ZNF142: variants seen among roughly 807,000 people sequenced by gnomAD.
The protein encoded by ZNF142 is zinc finger protein 142.
Under a neutral mutation model 132.1 loss-of-function variants are expected in ZNF142, and 96 were observed. That is an observed-to-expected ratio of 0.73 (90% CI 0.62 to 0.86). The LOEUF (loss-of-function observed/expected upper bound fraction) is 0.86, where lower values mean the gene tolerates loss of function less well. Ranked by LOEUF, ZNF142 falls within the 40% of genes least tolerant of loss-of-function variation. The pLI is 0.00. For missense variants in ZNF142, 2,163 were observed against 2,336.2 expected (o/e 0.93, Z 1.53); for synonymous variants, 842 against 890.1 (o/e 0.95, Z 0.96).
intron 10 of ZNF142, among the ~76,000 whole-genome samples, chr2:218,639,733 GAA>G (rs34789965): frequency 0.068 from 6,908 of 101,774 alleles, 545 homozygotes; most frequent in African/African-American, 0.22. Context: ...CCCTGTCACT[GAA>G]AAAAAAAAAA....
intron 8 of ZNF142, 103 bp downstream of exon 8, chr2:218,646,068 C>T: frequency 6.7e-7 from 1 of 1,491,828 alleles, no homozygotes. Context: ...AGGAGACTCT[C>T]CAGGGACCGG....
In ZNF142 at chr2:218,648,979, G is replaced by T; in HGVS notation, c.1529C>A (p.Thr510Asn). 1.2e-6 allele frequency: 2 copies of T among 1,612,148 alleles called. No homozygotes were observed. The highest frequency in any genetic ancestry group is 1.7e-6 in the Non-Finnish European group (2 of 1,180,032). ...RKAFIKHLKE[T>N]HGVRAVECRH... ...GCACTCCACAGCCCGCACCCCATGG[G>T]TCTCCTTCAGGTGCTTAATGAAGGC... The change falls in exon 7 of 11, where the codon ACC (threonine) becomes AAC (asparagine). Residue 510 changes from threonine (T) to asparagine (N), a missense_variant. Around this residue, in one of 7 missense-constraint regions of ZNF142, gnomAD observed 749 missense variants for 830.3 expected, o/e 0.90. Coordinates refer to ENST00000411696, the MANE Select transcript of ZNF142 (RefSeq NM_001379659.1).
chr2:218,656,351 TCAGCAATAGCTCAGGG>T lies in ZNF142; in HGVS notation c.63_78del (p.Cys21Ter). The T allele has an allele frequency of 6.3e-7, 1 of 1,580,182 alleles. No individual in the cohort carries two copies. The highest frequency in any genetic ancestry group is 8.6e-7 in the Non-Finnish European group (1 of 1,159,536). ...CCACGGTTAGAGAGAGGCGGGGGGA[TCAGCAATAGCTCAGGG>T]CACAGTCCATCCATCTCCCCGGTGC... On this transcript the variant is annotated frameshift_variant, in exon 4 of 11. Transcript: ENST00000411696. LOFTEE classifies it high-confidence loss of function.
In ZNF142 at chr2:218,633,873, G is replaced by GCAC; in HGVS notation, c.*4465_*4466insGTG. 8.6e-7 allele frequency: 1 copy of GCAC among 1,158,522 alleles called. No individual in the cohort carries two copies. Among genetic ancestry groups the GCAC allele is most frequent in the Non-Finnish European group, 1.3e-6 (1 of 798,148 alleles). 71.8% of individuals were successfully genotyped at this position (1,158,522 alleles called of 1,614,324 possible). A position where few individuals can be genotyped will look rare whatever the true frequency, so the allele number is the denominator to read the frequency against. On this transcript the variant is annotated 3_prime_UTR_variant, in exon 11 of 11. Coordinates refer to ENST00000411696, the MANE Select transcript of ZNF142 (RefSeq NM_001379659.1). The stretch of plus-strand genomic sequence containing the variant: ...GACAAGGTAGCTAAGGAGAGATGAA[G>GCAC]GAGTTCAGAAACTCCTTAGAGCAGA...
chr2:218,638,242 G>C lies in ZNF142; in HGVS notation c.*97C>G. 1 of 1,262,208 alleles carries C rather than the reference G, an allele frequency of 7.9e-7. No homozygotes were observed. Among genetic ancestry groups the C allele is most frequent in the East Asian group, 2.8e-5 (1 of 36,190 alleles). 78.2% of individuals were successfully genotyped at this position (1,262,208 alleles called of 1,614,324 possible). ...AGTCACCCTTGTACCCCAAAAGCCA[G>C]TCTTTCCTTAGGCTCTGAGCTCCTC... On this transcript the variant is annotated 3_prime_UTR_variant, in exon 11 of 11. Coordinates refer to ENST00000411696, the MANE Select transcript of ZNF142 (RefSeq NM_001379659.1).
Position 218,635,925 on chromosome 2 carries a change from A to T in ZNF142, c.*2414T>A. 2 of 1,614,004 alleles carry T rather than the reference A, an allele frequency of 1.2e-6. 1 individual carries two copies. The highest frequency in any genetic ancestry group is 2.2e-5 in the South Asian group (2 of 91,082). ...ACGGCAGGAGACCAACTATGTGGAG[A>T]ACAATGGTGAGAAACTGGCAGTGCT... On this transcript the variant is annotated 3_prime_UTR_variant, in exon 11 of 11. Transcript: ENST00000411696.
At chr2:218,647,434 A>AAAAAAAAAAAAAAAAAAAAAAAAAAAAC (rs1559297369) in intron 7 of ZNF142, among the ~76,000 whole-genome samples, 2 of 147,260 alleles carry the variant, frequency 1.4e-5, no homozygotes, top group African/African-American at 5.0e-5. Flanking sequence ...AAAAAAAAAA[A>AAAAAAAAAAAAAAAAAAAAAAAAAAAAC]AGCCTCCTCC....
At chr2:218,645,593 A>G (rs905777234) in intron 8 of ZNF142, among the ~76,000 whole-genome samples, 8 of 152,102 alleles carry the variant, frequency 5.3e-5, no homozygotes, top group Non-Finnish European at 1.0e-4. Context: ...AAACTCTGAG[A>G]ACTCAAGTGA....
At position 218,643,293 on chromosome 2, in the gene ZNF142, C is replaced by T. The variant is rs1382932133; in HGVS notation, c.3823G>A (p.Asp1275Asn). The T allele has an allele frequency of 6.2e-7, 1 of 1,614,200 alleles. No homozygotes were observed. The highest frequency in any genetic ancestry group is 8.5e-7 in the Non-Finnish European group (1 of 1,180,034). Residue 1275 changes from aspartate to asparagine, a missense_variant, in exon 9 of 11, where the codon GAC becomes AAC. Coordinates refer to ENST00000411696, the MANE Select transcript of ZNF142 (RefSeq NM_001379659.1). ...QPDVSPLSNGDSAPPKNGSTE... is the reference protein window; with the variant it reads ...QPDVSPLSNGNSAPPKNGSTE... ...CTCCCATTCTTCGGGGGAGCAGAGT[C>T]CCCATTGCTCAACGGGGACACATCA...
chr2:218,633,516 T>G lies in ZNF142; in HGVS notation c.*4823A>C. 6.9e-7 allele frequency: 1 copy of G among 1,450,696 alleles called. No homozygotes were observed. Among genetic ancestry groups the G allele is most frequent in the Non-Finnish European group, 9.7e-7 (1 of 1,035,590 alleles). The allele number at this position is 1,450,696 out of a possible 1,614,324, so 89.9% of individuals were successfully genotyped here. A position where few individuals can be genotyped will look rare whatever the true frequency, so the allele number is the denominator to read the frequency against. ...GAGGGAGAATACAGTGGGGAGGCAG[T>G]GGGCAGAGGTTTAGGTTGGATGGCC... is the stretch of plus-strand genomic sequence containing the variant. On this transcript the variant is annotated 3_prime_UTR_variant, in exon 11 of 11. Transcript: ENST00000411696.
At chr2:218,651,416 T>C (rs1019508991) in intron 5 of ZNF142, among the ~76,000 whole-genome samples, 6 of 152,246 alleles carry the variant, frequency 3.9e-5, no homozygotes, top group South Asian at 2.1e-4. Flanking sequence ...TCTCAGAAAG[T>C]TGTGAAATGG....
At position 218,649,467 on chromosome 2, in the gene ZNF142, A is replaced by G; in HGVS notation, c.1049-8T>C. 1.3e-6 allele frequency: 2 copies of G among 1,565,830 alleles called. No individual in the cohort carries two copies. Among genetic ancestry groups the G allele is most frequent in the Non-Finnish European group, 1.7e-6 (2 of 1,154,662 alleles). On this transcript the variant is annotated splice_polypyrimidine_tract_variant and splice_region_variant and intron_variant, in intron 6 of 10. Coordinates refer to ENST00000411696, the MANE Select transcript of ZNF142 (RefSeq NM_001379659.1). The stretch of plus-strand genomic sequence containing the variant: ...TGCCAGAGACCACATCCCCTGGGAA[A>G]GGGAATACAGAGAGTTGAGAGAGTG...
chr2:218,643,728 A>T lies in ZNF142; in HGVS notation c.3388T>A (p.Ser1130Thr). ...GGAAGCAGTAGCTCTGCTTCTTGTG[A>T]TGCAGGTGGGGGCTTCCCACTTTCT... is the stretch of plus-strand genomic sequence containing the variant. ...DTESGKPPPA[S>T]QEAELLLPKD... is the part of the protein sequence containing the mutation. The change falls in exon 9 of 11, where the codon TCA becomes ACA. Residue 1130 changes from serine (S) to threonine (T), a missense_variant. Coordinates refer to ENST00000411696, the MANE Select transcript of ZNF142 (RefSeq NM_001379659.1). 6.2e-7 allele frequency: 1 copy of T among 1,606,302 alleles called. No homozygotes were observed. Among genetic ancestry groups the T allele is most frequent in the Admixed American group, 1.7e-5 (1 of 58,336 alleles).
chr2:218,638,878 C>T (rs770875485), intron 10 of ZNF142, 70 bp from the exon 11 acceptor site: 5 of 1,246,878 alleles, frequency 4.0e-6, no homozygotes, highest in Non-Finnish European at 5.5e-6. Flanking sequence ...GGAGTTACTG[C>T]AATCAGTGGA....
At chr2:218,647,647 A>G (rs1180545247) in intron 7 of ZNF142, among the ~76,000 whole-genome samples, 1 of 152,140 alleles carries the variant, frequency 6.6e-6, no homozygotes, top group Non-Finnish European at 1.5e-5. Context: ...CAAAGCTGTC[A>G]GTGATACTCA....
chr2:218,636,773 C>T lies in ZNF142; in HGVS notation c.*1566G>A. On this transcript the variant is annotated 3_prime_UTR_variant, in exon 11 of 11. Transcript: ENST00000411696. ...CACCTTTTTTCTCTTTTCTTCCCTTCCTTTGTTTTCATAAGCCTTTGGTAT... is the reference window on the plus strand; with the variant it reads ...CACCTTTTTTCTCTTTTCTTCCCTTTCTTTGTTTTCATAAGCCTTTGGTAT... 1 of 664,372 alleles carries T rather than the reference C, an allele frequency of 1.5e-6. No individual in the cohort carries two copies. Among genetic ancestry groups the T allele is most frequent in the Non-Finnish European group, 2.7e-6 (1 of 376,092 alleles). The allele number at this position is 664,372 out of a possible 1,614,324, so 41.2% of individuals were successfully genotyped here.
chr2:218,648,825 G>T lies in ZNF142; in HGVS notation c.1683C>A (p.His561Gln). 6.2e-7 allele frequency: 1 copy of T among 1,614,204 alleles called. No homozygotes were observed. The highest frequency in any genetic ancestry group is 8.5e-7 in the Non-Finnish European group (1 of 1,180,018). ...CACTGCCAGGGTGGCCCTGCTTCTTGTGTTTACGGAATAGGTGCTTATTGG... is the reference window on the plus strand; with the variant it reads ...CACTGCCAGGGTGGCCCTGCTTCTTTTGTTTACGGAATAGGTGCTTATTGG... ...ACSNKHLFRKHKKQGHPGSEE... is the reference protein window; with the variant it reads ...ACSNKHLFRKQKKQGHPGSEE... Residue 561 changes from histidine (H) to glutamine (Q), a missense_variant, in exon 7 of 11, where the codon CAC (histidine) becomes CAA (glutamine). This residue lies in a region of ZNF142 where 749 missense variants were observed against 830.3 expected (regional missense o/e 0.90). Transcript: ENST00000411696.
intron 7 of ZNF142, among the ~76,000 whole-genome samples, chr2:218,646,631 T>C (rs1697754724): frequency 6.6e-6 from 1 of 152,166 alleles, no homozygotes; most frequent in African/African-American, 2.4e-5. Flanking sequence ...TCGCCCAGGC[T>C]GGAGTGCAGT....
chr2:218,634,717 G>A lies in ZNF142; in HGVS notation c.*3622C>T, dbSNP rs2106168479. 1 of 1,438,260 alleles carries A rather than the reference G, an allele frequency of 7.0e-7. No individual in the cohort carries two copies. The highest frequency in any genetic ancestry group is 2.3e-5 in the East Asian group (1 of 43,822). 89.1% of individuals were successfully genotyped at this position (1,438,260 alleles called of 1,614,324 possible). ...GGTGGCTAGGCCTGACCGGAATGTA[G>A]AGGCCGGATAGCCTATTAACAGTGT... On this transcript the variant is annotated 3_prime_UTR_variant, in exon 11 of 11. Transcript: ENST00000411696. This position sits in a 1 kb window ranked among gnomAD's most constrained non-coding sequence, Gnocchi z 4.0.
Sources: allele counts gnomAD v4.1 joint callset (sites outside exome capture counted in the v4.1 genomes callset), GRCh38; gene constraint gnomAD v4.1.1; regional missense constraint gnomAD v4.1.1; non-coding constraint Gnocchi (gnomAD v3.1); transcripts MANE v1.5; gene names NCBI Gene and HGNC (gene_info 2026-07-23, HGNC 2026-07-21).